Variants in SNX29 observed in about 807,000 individuals in gnomAD.
SNX29 encodes the protein sorting nexin-29.
In SNX29, 78 loss-of-function variants were observed where a neutral mutation model predicts 102.1. The observed-to-expected ratio is 0.76, with a 90% CI of 0.64 to 0.92. The LOEUF is 0.92. SNX29 is among the 40% of genes least tolerant of loss of function. SNX29 has a pLI of 0.00. For synonymous variants in SNX29, 580 were observed against 414.5 expected (o/e 1.40, Z -4.85); for missense variants, 1,280 against 1,061.7 (o/e 1.21, Z -2.86).
intron 14 of SNX29, among the ~76,000 whole-genome samples, chr16:12,203,485 T>C (rs1415258970): frequency 1.3e-5 from 2 of 149,986 alleles, no homozygotes; most frequent in East Asian, 3.9e-4. Flanking sequence ...ACTGGTGGCA[T>C]TGGAGGTGAC....
At chr16:12,251,227 C>G (rs1596634932) in intron 14 of SNX29, among the ~76,000 whole-genome samples, 1 of 152,222 alleles carries the variant, frequency 6.6e-6, no homozygotes, top group African/African-American at 2.4e-5. Context: ...GATAATAGCT[C>G]CTGCCTCAGA....
At chr16:12,369,661 A>G (rs1208288916) in intron 16 of SNX29, among the ~76,000 whole-genome samples, 1 of 152,184 alleles carries the variant, frequency 6.6e-6, no homozygotes, top group Non-Finnish European at 1.5e-5. Flanking sequence ...CTCACTGGCT[A>G]TGACGCATCC....
chr16:12,020,271 C>T (rs147973216), intron 3 of SNX29, among the ~76,000 whole-genome samples: 186 of 152,154 alleles, frequency 1.2e-3, no homozygotes, highest in Non-Finnish European at 1.9e-3. Context: ...TACAGGCATG[C>T]GCAACCACAC....
At chr16:12,172,241 CTCT>C (rs1183125404) in intron 13 of SNX29, among the ~76,000 whole-genome samples, 1 of 152,082 alleles carries the variant, frequency 6.6e-6, no homozygotes, top group African/African-American at 2.4e-5. Flanking sequence ...AGATGGCAAA[CTCT>C]TCTTGGGAAT....
At chr16:12,255,417 C>T (rs2078542898) in intron 14 of SNX29, among the ~76,000 whole-genome samples, 2 of 152,102 alleles carry the variant, frequency 1.3e-5, no homozygotes, top group South Asian at 4.1e-4. Context: ...GTGTGAGCCA[C>T]TTTGTTCTGC....
intron 8 of SNX29, among the ~76,000 whole-genome samples, chr16:12,053,806 C>A (rs978947484): frequency 6.6e-6 from 1 of 152,002 alleles, no homozygotes; most frequent in South Asian, 2.1e-4. Flanking sequence ...GATTTATACC[C>A]TATATTGTAA....
intron 15 of SNX29, among the ~76,000 whole-genome samples, chr16:12,324,304 G>A (rs2151187683): frequency 6.6e-6 from 1 of 152,214 alleles, no homozygotes; most frequent in East Asian, 1.9e-4. Context: ...CAGGCCAGTG[G>A]TATAATGAGG....
intron 13 of SNX29, among the ~76,000 whole-genome samples, chr16:12,182,515 G>C (rs960171039): frequency 8.5e-5 from 13 of 152,142 alleles, no homozygotes; most frequent in Non-Finnish European, 1.9e-4. Flanking sequence ...GTTGGTTCTT[G>C]GGAGGGCTGA....
At chr16:12,263,666 CAAAG>C (rs1268044105) in intron 14 of SNX29, among the ~76,000 whole-genome samples, 1 of 152,060 alleles carries the variant, frequency 6.6e-6, no homozygotes, top group African/African-American at 2.4e-5. Context: ...TTTAAAGAAA[CAAAG>C]AGAAAACATT....
rs3862448 is a variant in SNX29, at chr16:12,037,630, G to A, written c.248-5267G>A. Among the ~76,000 whole-genome samples, 940 of 152,148 alleles carry A rather than the reference G, an allele frequency of 6.2e-3. 8 individuals carry two copies. Among genetic ancestry groups the A allele is most frequent in the African/African-American group, 0.022 (899 of 41,522 alleles). ...AGGATCCCAGTGGAATGTGTTTCCC[G>A]TAGGAAAGCGGGGTGCTCTTACTAG... On this transcript the variant is annotated intron_variant, in intron 4 of 20. Transcript: ENST00000566228.
intron 16 of SNX29, among the ~76,000 whole-genome samples, chr16:12,380,391 CCCCTCATCCATCCACCCACCCACCCA>C (rs2083037625): frequency 1.2e-5 from 1 of 85,544 alleles, no homozygotes. Flanking sequence ...CACCCACCCA[CCCCTCATCCATCCACCCACCCACCCA>C]CCCCTCATCC....
At chr16:12,554,298 G>T (rs1449160266) in intron 20 of SNX29, among the ~76,000 whole-genome samples, 1 of 152,190 alleles carries the variant, frequency 6.6e-6, no homozygotes, top group African/African-American at 2.4e-5. Flanking sequence ...TGCTTCATAT[G>T]AGGTTTCAGT....
intron 20 of SNX29, among the ~76,000 whole-genome samples, chr16:12,564,805 T>C (rs992583673): frequency 2.6e-5 from 4 of 151,468 alleles, no homozygotes; most frequent in Non-Finnish European, 5.9e-5. Flanking sequence ...GTGTTGTCAT[T>C]CCAGAAGTCT....
intron 15 of SNX29, among the ~76,000 whole-genome samples, chr16:12,290,037 A>C (rs2079739679): frequency 6.6e-6 from 1 of 152,072 alleles, no homozygotes. Flanking sequence ...GACAGGGCGG[A>C]GGGAGGGACT....
At chr16:12,187,042 G>A (rs75513449) in intron 13 of SNX29, among the ~76,000 whole-genome samples, 2,812 of 152,328 alleles carry the variant, frequency 0.018, 35 homozygotes, top group Middle Eastern at 0.054. Flanking sequence ...AAGACCTGAT[G>A]GGTCCCGGAG....
At chr16:12,019,424 C>G (rs1444421035) in intron 3 of SNX29, among the ~76,000 whole-genome samples, 1 of 151,930 alleles carries the variant, frequency 6.6e-6, no homozygotes, top group Non-Finnish European at 1.5e-5. Flanking sequence ...CCAGAATGGT[C>G]TTGATCTCTT....
In SNX29 at chr16:12,189,684, G is replaced by A. The variant is rs991294842; in HGVS notation, c.1596-9917G>A. Reference sequence around the variant, plus strand: ...TTTTGAGCTCGAAATACCCTATTATGCATTAAATTTTCCATTAATTAATTT... The same window carrying A: ...TTTTGAGCTCGAAATACCCTATTATACATTAAATTTTCCATTAATTAATTT... On this transcript the variant is annotated intron_variant, in intron 13 of 20. Transcript: ENST00000566228. Among the ~76,000 whole-genome samples the A allele has an allele frequency of 2.0e-5, 3 of 152,164 alleles. No individual in the cohort carries two copies. The East Asian group carries it at 5.8e-4, about 29-fold the overall frequency.
intron 8 of SNX29, among the ~76,000 whole-genome samples, chr16:12,058,622 T>C (rs2050625308): frequency 6.6e-6 from 1 of 150,998 alleles, no homozygotes; most frequent in African/African-American, 2.4e-5. Context: ...CCCTTCCAAG[T>C]AGCTGGGATT....
At chr16:12,244,436 C>G (rs1384211599) in intron 14 of SNX29, among the ~76,000 whole-genome samples, 2 of 152,152 alleles carry the variant, frequency 1.3e-5, no homozygotes, top group African/African-American at 4.8e-5. Context: ...TGGAGAAACA[C>G]TGTCTCTACC....
Sources: allele counts gnomAD v4.1 joint callset (sites outside exome capture counted in the v4.1 genomes callset), GRCh38; gene constraint gnomAD v4.1.1; transcripts MANE v1.5; gene names NCBI Gene and HGNC (gene_info 2026-07-23, HGNC 2026-07-21).